Variants in LRRC27 observed in about 807,000 individuals in gnomAD.
The protein encoded by LRRC27 is leucine-rich repeat-containing protein 27.
A neutral mutation model predicts 55.0 loss-of-function variants in LRRC27; 57 were observed. The observed-to-expected ratio is 1.04, with a 90% CI of 0.84 to 1.29. The LOEUF is 1.29. LRRC27 is among the 50% of genes most tolerant of loss of function. The pLI, the probability that LRRC27 is intolerant of heterozygous loss-of-function variation, is 0.00. For missense variants in LRRC27, 721 were observed against 651.5 expected, an observed-to-expected ratio of 1.11 and a Z score of -1.16; for synonymous variants, 278 against 251.9, an observed-to-expected ratio of 1.10 and a Z score of -0.98.
intron 3 of LRRC27, among the ~76,000 whole-genome samples, chr10:132,340,880 CAAAAA>C (rs35586925): frequency 1.0e-5 from 1 of 99,572 alleles, no homozygotes. Flanking sequence ...GACTCCATCT[CAAAAA>C]AAAAAAAAAA....
intron 5 of LRRC27, among the ~76,000 whole-genome samples, chr10:132,345,041 A>G (rs1323196531): frequency 1.3e-5 from 2 of 152,238 alleles, no homozygotes; most frequent in East Asian, 3.8e-4. Flanking sequence ...AGAAATTAGC[A>G]GGAAAATGGC....
chr10:132,352,980 C>T, intron 7 of LRRC27: 1 of 1,613,610 alleles, frequency 6.2e-7, no homozygotes, highest in Non-Finnish European at 8.5e-7. Context: ...GTGCCACCAC[C>T]TTGCGAGGTG....
intron 6 of LRRC27, among the ~76,000 whole-genome samples, chr10:132,350,147 A>C (rs2132924586): frequency 6.6e-6 from 1 of 152,304 alleles, no homozygotes; most frequent in African/African-American, 2.4e-5. Context: ...TATAAGGCTG[A>C]GTGCTCATGT....
In LRRC27 at chr10:132,375,126, C is replaced by T. The variant is rs752575098; in HGVS notation, c.1477C>T (p.Arg493Cys). Residue 493 changes from arginine to cysteine, a missense_variant, in exon 11 of 11, where the codon CGT becomes TGT. By Grantham distance (180) the Arg-to-Cys change is radical. Coordinates refer to ENST00000368614, the MANE Select transcript of LRRC27 (RefSeq NM_030626.3). ...LKLGLTLNKD[R>C]RRAALTGNLS... The stretch of plus-strand genomic sequence containing the variant: ...ATTGGGATTAACCTTGAACAAAGAT[C>T]GTCGACGGGCGGCCCTCACTGGAAA... The T allele has an allele frequency of 5.6e-6, 9 of 1,613,916 alleles. No homozygotes were observed. The highest frequency in any genetic ancestry group is 1.6e-4 in the Middle Eastern group (1 of 6,062).
At chr10:132,353,154 C>G in intron 7 of LRRC27, 2 of 1,437,362 alleles carry the variant, frequency 1.4e-6, no homozygotes, top group East Asian at 2.5e-5. Flanking sequence ...CAGCGGGGGC[C>G]CCCAGCAGGA....
At position 132,344,403 on chromosome 10, in the gene LRRC27, A is replaced by AT; in HGVS notation, c.401-91dup. ...TCCCCCAAATACTGAATAGAATCAT[A>AT]TTTTAAAATGTGAAAAGTTACTATT... On this transcript the variant is annotated intron_variant, in intron 4 of 10. Transcript: ENST00000368614. 2.3e-6 allele frequency: 3 copies of AT among 1,305,676 alleles called. No homozygotes were observed. The South Asian group carries it at 4.8e-5, about 21-fold the overall frequency. The allele number at this position is 1,305,676 out of a possible 1,614,324, so 80.9% of individuals were successfully genotyped here. A position where few individuals can be genotyped will look rare whatever the true frequency, so the allele number is the denominator to read the frequency against.
At chr10:132,371,991 G>A (rs971599817) in intron 10 of LRRC27, among the ~76,000 whole-genome samples, 3 of 152,250 alleles carry the variant, frequency 2.0e-5, no homozygotes, top group Non-Finnish European at 4.4e-5. Flanking sequence ...CACGAAGGAA[G>A]CCCCCTAGTG....
rs567326353 is a variant in LRRC27 at position 132,365,339 on chromosome 10, A to C, written c.1290-85A>C. On this transcript the variant is annotated intron_variant, in intron 9 of 10. Transcript: ENST00000368614. The stretch of plus-strand genomic sequence containing the variant: ...CTGTTTGGTCTGGGAAGAAAGGCAC[A>C]TGCTTTCTCCCTGGTTATGGCGGGA... 3.7e-5 allele frequency: 57 copies of C among 1,552,766 alleles called. No homozygotes were observed. The South Asian group carries it at 6.0e-4, about 16-fold the overall frequency.
At chr10:132,347,143 A>G (rs1048181190) in intron 5 of LRRC27, among the ~76,000 whole-genome samples, 3 of 152,286 alleles carry the variant, frequency 2.0e-5, no homozygotes, top group African/African-American at 7.2e-5. Flanking sequence ...TGGGCTAAAC[A>G]TTACTTAGAA....
At chr10:132,341,601 C>T (rs1323613395) in intron 3 of LRRC27, among the ~76,000 whole-genome samples, 1 of 152,062 alleles carries the variant, frequency 6.6e-6, no homozygotes, top group Non-Finnish European at 1.5e-5. Context: ...GATGCCTTCC[C>T]GAAATGCTGC....
chr10:132,335,398 G>A (rs889535878), intron 2 of LRRC27, among the ~76,000 whole-genome samples: 19 of 149,312 alleles, frequency 1.3e-4, no homozygotes, highest in African/African-American at 4.5e-4. Flanking sequence ...CAGTCTTCCT[G>A]GACTTCGCCT....
At chr10:132,357,646 G>A (rs2068366703) in intron 8 of LRRC27, among the ~76,000 whole-genome samples, 2 of 152,230 alleles carry the variant, frequency 1.3e-5, no homozygotes, top group African/African-American at 2.4e-5. Flanking sequence ...TGGCTCTGGG[G>A]AGGGGGGCGC....
intron 8 of LRRC27, among the ~76,000 whole-genome samples, chr10:132,360,889 C>G (rs1382225392): frequency 6.6e-6 from 1 of 152,190 alleles, no homozygotes; most frequent in Non-Finnish European, 1.5e-5. Context: ...CGCACAGGCC[C>G]AAAGCTCCCT....
intron 9 of LRRC27, among the ~76,000 whole-genome samples, chr10:132,364,461 C>CA (rs1564853473): frequency 3.0e-5 from 2 of 67,240 alleles, no homozygotes; most frequent in African/African-American, 1.2e-4. Flanking sequence ...ACACTCACAC[C>CA]CACCCACACT....
Position 132,378,475 on chromosome 10 carries a change from G to A in LRRC27, c.*3233G>A, listed in dbSNP as rs61864551. Reference sequence around the variant, plus strand: ...CAGTTTTGTGTGTGTGTGCACATGTGTGTATGCATTCGTGCGTACGAGTGT... The same window carrying A: ...CAGTTTTGTGTGTGTGTGCACATGTATGTATGCATTCGTGCGTACGAGTGT... On this transcript the variant is annotated 3_prime_UTR_variant, in exon 11 of 11. Coordinates refer to ENST00000368614, the MANE Select transcript of LRRC27 (RefSeq NM_030626.3). 5,383 of 151,774 alleles carry A rather than the reference G, an allele frequency of 0.035. 144 individuals carry two copies. The highest frequency in any genetic ancestry group is 0.098 in the Admixed American group (1,490 of 15,242). The allele number at this position is 151,774 out of a possible 1,614,324, so 9.4% of individuals were successfully genotyped here.
chr10:132,331,828 C>T (rs1188567619), upstream of LRRC27: 7 of 1,542,174 alleles, frequency 4.5e-6, no homozygotes, highest in Middle Eastern at 1.8e-4. Context: ...CCCTTCAAGG[C>T]CGCGGGCGCG....
At chr10:132,345,814 G>A (rs1304912933) in intron 5 of LRRC27, among the ~76,000 whole-genome samples, 1 of 152,204 alleles carries the variant, frequency 6.6e-6, no homozygotes, top group African/African-American at 2.4e-5. Context: ...GACCCTGCTG[G>A]AGGATCAGGA....
At chr10:132,330,860 C>T (rs1387809011), upstream of LRRC27, among the ~76,000 whole-genome samples, 2 of 151,560 alleles carry the variant, frequency 1.3e-5, no homozygotes, top group African/African-American at 2.4e-5. Flanking sequence ...ACGTAAATCC[C>T]CTCAAAGTGG....
In LRRC27 at chr10:132,367,366, C is replaced by G. The variant is rs538448692; in HGVS notation, c.1416+1816C>G. 3.3e-5 allele frequency among the ~76,000 whole-genome samples: 5 copies of G among 152,270 alleles called. No homozygotes were observed. In the South Asian group the frequency reaches 1.0e-3, roughly 32 times the overall value. The stretch of plus-strand genomic sequence containing the variant: ...ATTCTCGATAATCTCTTCCAGAAGA[C>G]AGAAACAGAGAGAAAACTTTTTAGC... On this transcript the variant is annotated intron_variant, in intron 10 of 10. Coordinates refer to ENST00000368614, the MANE Select transcript of LRRC27 (RefSeq NM_030626.3).
Sources: gnomAD v4.1 joint callset for allele counts (sites outside exome capture counted in the v4.1 genomes callset) on GRCh38, gnomAD v4.1.1 for gene constraint, MANE v1.5 for transcripts, NCBI Gene and HGNC (gene_info 2026-07-23, HGNC 2026-07-21) for gene names.